The following ADGRL3 variants were observed in gnomAD, a reference collection of about 807,000 sequenced individuals.
ADGRL3 encodes the protein adhesion G protein-coupled receptor L3.
ADGRL3 carries 62 observed loss-of-function variants against 153.5 expected under a neutral mutation model. The ratio of observed to expected loss-of-function variants is 0.40; its 90% confidence interval spans 0.33 to 0.50. The LOEUF is 0.50. ADGRL3 is among the 20% of genes least tolerant of loss of function. The pLI is 0.47. For synonymous variants in ADGRL3, 710 were observed against 672.5 expected (o/e 1.06, Z -0.86); for missense variants, 1,641 against 1,859.4 (o/e 0.88, Z 2.16).
chr4:61,767,123 G>A (rs1329260848), intron 8 of ADGRL3, among the ~76,000 whole-genome samples: 2 of 151,940 alleles, frequency 1.3e-5, no homozygotes, highest in Admixed American at 6.6e-5. Flanking sequence ...GGAGGGAGTA[G>A]AGGTATCTTA....
chr4:61,888,742 T>G (rs2098553347), intron 9 of ADGRL3, among the ~76,000 whole-genome samples: 1 of 152,204 alleles, frequency 6.6e-6, no homozygotes. Context: ...TCCCTAACAT[T>G]AGTATGTCTA....
At chr4:61,934,096 C>T (rs899718245) in intron 13 of ADGRL3, 1 of 152,116 alleles carries the variant, frequency 6.6e-6, no homozygotes, top group East Asian at 1.9e-4. Flanking sequence ...AGAGATGATT[C>T]TTTTGGATGA....
chr4:61,983,930 A>G (rs1219894640), intron 19 of ADGRL3, among the ~76,000 whole-genome samples: 1 of 152,194 alleles, frequency 6.6e-6, no homozygotes, highest in East Asian at 1.9e-4. Context: ...ATTTGCTAGC[A>G]TAGGATGGTG....
chr4:61,479,800 C>T (rs1461881602), intron 2 of ADGRL3, among the ~76,000 whole-genome samples: 2 of 151,976 alleles, frequency 1.3e-5, no homozygotes, highest in Non-Finnish European at 2.9e-5. Context: ...TGGGTTCTCT[C>T]TCTTTTTTTA....
chr4:61,832,163 A>G (rs1053201174), intron 9 of ADGRL3, among the ~76,000 whole-genome samples: 4 of 152,138 alleles, frequency 2.6e-5, no homozygotes, highest in African/African-American at 7.2e-5. Flanking sequence ...TATACAATGT[A>G]TGAGACTTGG....
At chr4:61,336,880 G>C (rs191100027) in intron 1 of ADGRL3, among the ~76,000 whole-genome samples, 20 of 138,494 alleles carry the variant, frequency 1.4e-4, no homozygotes, top group Admixed American at 7.4e-4. Context: ...TTTTTTACTA[G>C]CTTTGAAGAA....
intron 2 of ADGRL3, among the ~76,000 whole-genome samples, chr4:61,434,729 A>C (rs1578841410): frequency 6.6e-6 from 1 of 152,224 alleles, no homozygotes. Flanking sequence ...TTCATTGAAT[A>C]ATTTCAAAAT....
At position 61,856,586 on chromosome 4, in the gene ADGRL3, TTCTC is replaced by T. The variant is rs199927400; in HGVS notation, c.1481-36054_1481-36051del. The stretch of plus-strand genomic sequence containing the variant: ...CTCTCTCTCTTTCTCTCTCTCTTTT[TTCTC>T]TCTCTCTCTCTCTCTTTTTTTTTTT... On this transcript the variant is annotated intron_variant, in intron 9 of 26. Coordinates refer to ENST00000683033, the MANE Select transcript of ADGRL3 (RefSeq NM_001387552.1). 9.0e-3 allele frequency among the ~76,000 whole-genome samples: 707 copies of T among 78,660 alleles called. 17 individuals carry two copies. The highest frequency in any genetic ancestry group is 0.024 in the African/African-American group (524 of 22,114). The allele number at this position is 78,660 out of a possible 152,430, so 51.6% of individuals were successfully genotyped here.
At chr4:61,776,661 A>G (rs2097155214) in intron 8 of ADGRL3, among the ~76,000 whole-genome samples, 2 of 152,206 alleles carry the variant, frequency 1.3e-5, no homozygotes, top group South Asian at 2.1e-4. Context: ...AAGTATCTTT[A>G]CAAAGTATAA....
intron 6 of ADGRL3, among the ~76,000 whole-genome samples, chr4:61,713,614 C>T (rs898479566): frequency 2.0e-5 from 3 of 151,704 alleles, no homozygotes; most frequent in Admixed American, 6.6e-5. Flanking sequence ...ACTTTTTATT[C>T]AAGGATTTTC....
intron 8 of ADGRL3, among the ~76,000 whole-genome samples, chr4:61,754,271 A>G (rs59295035): frequency 1.2e-3 from 190 of 152,304 alleles, no homozygotes; most frequent in African/African-American, 4.4e-3. Context: ...TATTGAACTT[A>G]TTCATATATT....
chr4:61,480,783 A>G (rs1453468816), intron 2 of ADGRL3, among the ~76,000 whole-genome samples: 2 of 151,534 alleles, frequency 1.3e-5, no homozygotes, highest in Non-Finnish European at 2.9e-5. Flanking sequence ...ACTCCTTCTC[A>G]AAATAAATAA....
chr4:61,523,403 C>T (rs1431982372), intron 4 of ADGRL3, among the ~76,000 whole-genome samples: 1 of 152,042 alleles, frequency 6.6e-6, no homozygotes, highest in Non-Finnish European at 1.5e-5. Flanking sequence ...CTGCCTTCTT[C>T]TATATGACAC....
intron 1 of ADGRL3, among the ~76,000 whole-genome samples, chr4:61,250,294 C>A (rs761752463): frequency 2.6e-5 from 4 of 152,170 alleles, no homozygotes; most frequent in Non-Finnish European, 5.9e-5. Context: ...CAGTGAGGAA[C>A]CAAGGCAGCC....
intron 6 of ADGRL3, among the ~76,000 whole-genome samples, chr4:61,711,458 T>TTATATATATATA (rs1167827672): frequency 0.031 from 1,061 of 34,508 alleles, 67 homozygotes; most frequent in East Asian, 0.077. Context: ...ATATGCTTCA[T>TTATATATATATA]TATATATATA....
At chr4:61,444,820 AG>A (rs1194836559) in intron 2 of ADGRL3, among the ~76,000 whole-genome samples, 4 of 152,168 alleles carry the variant, frequency 2.6e-5, no homozygotes, top group African/African-American at 9.7e-5. Flanking sequence ...TGGGAGGCAG[AG>A]GTGGGTGGGT....
At chr4:61,454,489 A>G (rs1311883909) in intron 2 of ADGRL3, among the ~76,000 whole-genome samples, 1 of 152,154 alleles carries the variant, frequency 6.6e-6, no homozygotes, top group African/African-American at 2.4e-5. Context: ...GGTGAGAAGT[A>G]TGATGTATTA....
intron 1 of ADGRL3, among the ~76,000 whole-genome samples, chr4:61,354,784 A>G (rs991284534): frequency 1.2e-4 from 18 of 152,140 alleles, no homozygotes; most frequent in Non-Finnish European, 2.5e-4. Flanking sequence ...ATACATTTCA[A>G]TTTATCAGCA....
At chr4:61,474,819 T>C (rs929419825) in intron 2 of ADGRL3, among the ~76,000 whole-genome samples, 4 of 152,130 alleles carry the variant, frequency 2.6e-5, no homozygotes, top group Non-Finnish European at 5.9e-5. Flanking sequence ...TTGAGCACTA[T>C]TATATTTTAC....
Sources: allele counts gnomAD v4.1 joint callset (sites outside exome capture counted in the v4.1 genomes callset), GRCh38; gene constraint gnomAD v4.1.1; transcripts MANE v1.5; gene names NCBI Gene and HGNC (gene_info 2026-07-23, HGNC 2026-07-21).